Variants in PFKFB3 observed in about 807,000 individuals in gnomAD.
PFKFB3 encodes the protein 6-phosphofructo-2-kinase/fructose-2,6-biphosphatase 3.
Under a neutral mutation model 68.0 loss-of-function variants are expected in PFKFB3, and 33 were observed. That is an observed-to-expected ratio of 0.49 (90% CI 0.37 to 0.65). The LOEUF (loss-of-function observed/expected upper bound fraction) is 0.65, where lower values mean the gene tolerates loss of function less well. PFKFB3 is among the 30% of genes least tolerant of loss of function. The probability of loss-of-function intolerance (pLI) is 0.00; values close to 1 mark genes in which losing one functional copy is unlikely to be tolerated. For synonymous variants in PFKFB3, 315 were observed against 288.2 expected, an observed-to-expected ratio of 1.09 and a Z score of -0.94; for missense variants, 586 against 712.2, an observed-to-expected ratio of 0.82 and a Z score of 2.02.
chr10:6,212,577 G>A (rs1298812814), intron 1 of PFKFB3, among the ~76,000 whole-genome samples: 1 of 152,174 alleles, frequency 6.6e-6, no homozygotes, highest in Non-Finnish European at 1.5e-5. Context: ...AGGCTCGGGT[G>A]GAGGATTTAC....
rs138828349 is a variant in PFKFB3, at chr10:6,193,150, G to A, written c.17-20473G>A. Among the ~76,000 whole-genome samples the A allele has an allele frequency of 1.0e-3, 155 of 152,282 alleles. 2 individuals carry two copies. The East Asian group carries it at 0.024, about 23-fold the overall frequency. Reference sequence around the variant, plus strand: ...GCTTGAGGCCAGGAGTTTGAGACCAGCCTGGGCAGCATAATGAGACCCCCT... The same window carrying A: ...GCTTGAGGCCAGGAGTTTGAGACCAACCTGGGCAGCATAATGAGACCCCCT... On this transcript the variant is annotated intron_variant, in intron 1 of 14. Coordinates refer to the PFKFB3 transcript ENST00000379789.
At chr10:6,271,694 C>T in the PFKFB3 span, among the ~76,000 whole-genome samples, 3 of 152,124 alleles carry the variant, frequency 2.0e-5, no homozygotes, top group Non-Finnish European at 4.4e-5. Context: ...TACCTCAGAC[C>T]TTTGATAAAA....
At chr10:6,232,800 G>C in intron 14 of PFKFB3, 95 bp from the exon 15 acceptor site, 1 of 960,754 alleles carries the variant, frequency 1.0e-6, no homozygotes, top group Non-Finnish European at 1.7e-6. Context: ...AGGGAGGGAA[G>C]AATTCTCCGT....
the PFKFB3 span, among the ~76,000 whole-genome samples, chr10:6,313,397 C>T: frequency 1.3e-5 from 2 of 152,164 alleles, no homozygotes; most frequent in Non-Finnish European, 1.5e-5. The surrounding 1 kb of genome is among the most constrained non-coding windows in gnomAD (Gnocchi z 4.2). Context: ...GTGTTAAAAA[C>T]GACCTGCCCC....
At chr10:6,189,125 C>T (rs1842960391) in intron 1 of PFKFB3, among the ~76,000 whole-genome samples, 1 of 152,186 alleles carries the variant, frequency 6.6e-6, no homozygotes, top group South Asian at 2.1e-4. Context: ...AGGCGTGAGC[C>T]ACCGCACCTG....
chr10:6,226,466 TGGGTGC>T, intron 14 of PFKFB3, 101 bp downstream of exon 14: 1 of 1,033,088 alleles, frequency 9.7e-7, no homozygotes, highest in Admixed American at 2.6e-5. Context: ...AATACGTGCG[TGGGTGC>T]GTGTGGGTGC....
chr10:6,299,810 T>C, the PFKFB3 span, among the ~76,000 whole-genome samples: 1 of 152,122 alleles, frequency 6.6e-6, no homozygotes, highest in Non-Finnish European at 1.5e-5. Context: ...CCCCAGTTCC[T>C]GGGAAGAGTG....
Position 6,228,564 on chromosome 10 carries a change from G to A in PFKFB3, c.1515+2199G>A, listed in dbSNP as rs568842158. On this transcript the variant is annotated intron_variant, in intron 14 of 14. Coordinates refer to ENST00000379775, the MANE Select transcript of PFKFB3 (RefSeq NM_004566.4). The surrounding 1 kb of genome is among the most constrained non-coding windows in gnomAD (Gnocchi z 4.5). ...CATTTCCTTATCAGAATCAGATCTT[G>A]GTGGCGAGCTGCATCTGTGCCAGGT... Among the ~76,000 whole-genome samples the A allele has an allele frequency of 8.5e-5, 13 of 152,164 alleles. No homozygotes were observed. Among genetic ancestry groups the A allele is most frequent in the Non-Finnish European group, 1.6e-4 (11 of 68,038 alleles).
chr10:6,166,821 CTTT>C (rs144747290), intron 1 of PFKFB3, among the ~76,000 whole-genome samples: 148 of 95,246 alleles, frequency 1.6e-3, no homozygotes, highest in African/African-American at 5.6e-3. Flanking sequence ...CCTTCTTCTT[CTTT>C]TTTTTTTTTT....
At chr10:6,255,535 A>C (rs940424734), downstream of PFKFB3, among the ~76,000 whole-genome samples, 1 of 152,256 alleles carries the variant, frequency 6.6e-6, no homozygotes, top group African/African-American at 2.4e-5. Flanking sequence ...GGGGAAGGGT[A>C]CTTCAACGGG....
chr10:6,271,102 A>G, the PFKFB3 span, among the ~76,000 whole-genome samples: 1 of 152,246 alleles, frequency 6.6e-6, no homozygotes, highest in Non-Finnish European at 1.5e-5. Context: ...ACAAGTAATT[A>G]GTATTCAACC....
At chr10:6,224,113 C>T (rs371329068) in intron 12 of PFKFB3, 36 bp from the exon 13 acceptor site, 2 of 1,613,444 alleles carry the variant, frequency 1.2e-6, no homozygotes, top group Non-Finnish European at 8.5e-7. Context: ...GTCCCTTTAA[C>T]AGCAGCTTCC....
intron 1 of PFKFB3, among the ~76,000 whole-genome samples, chr10:6,183,611 A>AT (rs1842779729): frequency 8.1e-5 from 7 of 86,650 alleles, no homozygotes; most frequent in South Asian, 4.1e-4. Context: ...CAAAAAAAAA[A>AT]AAAATATATA....
intron 1 of PFKFB3, among the ~76,000 whole-genome samples, chr10:6,181,452 G>C (rs1416344563): frequency 6.6e-6 from 1 of 152,196 alleles, no homozygotes; most frequent in Non-Finnish European, 1.5e-5. Context: ...TAAACAAGAA[G>C]GAAATGCTGA....
intron 1 of PFKFB3, among the ~76,000 whole-genome samples, chr10:6,145,604 G>C (rs1841361109): frequency 6.6e-6 from 1 of 152,156 alleles, no homozygotes; most frequent in South Asian, 2.1e-4. Flanking sequence ...GGCAGCTCTG[G>C]CCTGAGTCCC....
At chr10:6,319,530 G>A in the PFKFB3 span, among the ~76,000 whole-genome samples, 1 of 152,114 alleles carries the variant, frequency 6.6e-6, no homozygotes, top group African/African-American at 2.4e-5. Flanking sequence ...TGAGGGATGA[G>A]AAATTATCTA....
intron 14 of PFKFB3, among the ~76,000 whole-genome samples, chr10:6,245,097 C>T (rs117331129): frequency 6.6e-6 from 1 of 152,182 alleles, no homozygotes; most frequent in East Asian, 1.9e-4. Flanking sequence ...TGGTCTAGCT[C>T]TCTTATTTAT....
In PFKFB3 at chr10:6,229,300, C is replaced by A; in HGVS notation, c.1515+2935C>A. 2 of 404,928 alleles carry A rather than the reference C, an allele frequency of 4.9e-6. No individual in the cohort carries two copies. Among genetic ancestry groups the A allele is most frequent in the South Asian group, 3.6e-5 (2 of 56,064 alleles). The allele number at this position is 404,928 out of a possible 1,614,324, so 25.1% of individuals were successfully genotyped here. A position where few individuals can be genotyped will look rare whatever the true frequency, so the allele number is the denominator to read the frequency against. On this transcript the variant is annotated intron_variant, in intron 14 of 14. Transcript: ENST00000379775. The surrounding 1 kb of genome is among the most constrained non-coding windows in gnomAD (Gnocchi z 4.3). Reference sequence around the variant, plus strand: ...GGAGGTCGGCAGGGCAGTCAGTCCCCCGTTTAATGGTTGAGGGGCTGAGTG... The same window carrying A: ...GGAGGTCGGCAGGGCAGTCAGTCCCACGTTTAATGGTTGAGGGGCTGAGTG...
In PFKFB3 at chr10:6,220,952, T is replaced by A; in HGVS notation, c.831+87T>A. The stretch of plus-strand genomic sequence containing the variant: ...TGGGTGGGGAGCTGTGTGCTGCTGC[T>A]GCTGCTGCTGCTGCTGCTTGGTGTG... On this transcript the variant is annotated intron_variant, in intron 8 of 14. Coordinates refer to ENST00000379775, the MANE Select transcript of PFKFB3 (RefSeq NM_004566.4). The surrounding 1 kb of genome is among the most constrained non-coding windows in gnomAD (Gnocchi z 4.1). 2 of 1,168,122 alleles carry A rather than the reference T, an allele frequency of 1.7e-6. No homozygotes were observed. The highest frequency in any genetic ancestry group is 1.2e-5 in the South Asian group (1 of 81,328). 72.4% of individuals were successfully genotyped at this position (1,168,122 alleles called of 1,614,324 possible).
Sources: gnomAD v4.1 joint callset for allele counts (sites outside exome capture counted in the v4.1 genomes callset) on GRCh38, gnomAD v4.1.1 for gene constraint, Gnocchi (gnomAD v3.1) non-coding constraint, MANE v1.5 for transcripts, NCBI Gene and HGNC (gene_info 2026-07-23, HGNC 2026-07-21) for gene names.